P3H2: variants seen among roughly 807,000 people sequenced by gnomAD.
The protein encoded by P3H2 is leprecan-like 1.
In P3H2, 80 loss-of-function variants were observed where a neutral mutation model predicts 87.0. The ratio of observed to expected loss-of-function variants is 0.92; its 90% CI spans 0.77 to 1.11. The LOEUF is 1.11. Among genes scored for constraint, P3H2 ranks in the 50% least tolerant of loss-of-function variants. The pLI, the probability that P3H2 is intolerant of heterozygous loss-of-function variation, is 0.00. For missense variants in P3H2, 1,001 were observed against 923.9 expected (o/e 1.08, Z -1.08); for synonymous variants, 367 against 359.3 (o/e 1.02, Z -0.24).
At chr3:189,972,806 T>C in intron 11 of P3H2, 68 bp downstream of exon 11, 2 of 1,532,100 alleles carry the variant, frequency 1.3e-6, no homozygotes, top group Non-Finnish European at 1.8e-6. Context: ...TGTTGAGCTT[T>C]GTTTTGCCTT....
At chr3:190,117,592 C>A (rs1468826278) in intron 1 of P3H2, among the ~76,000 whole-genome samples, 1 of 151,862 alleles carries the variant, frequency 6.6e-6, no homozygotes, top group Non-Finnish European at 1.5e-5. Flanking sequence ...GGAATCAATG[C>A]CCTAGAATCC....
chr3:190,045,458 C>A (rs1725769769), intron 1 of P3H2, among the ~76,000 whole-genome samples: 1 of 152,094 alleles, frequency 6.6e-6, no homozygotes, highest in Non-Finnish European at 1.5e-5. Context: ...GCCTTTTATT[C>A]ATTTTTCCTT....
intron 14 of P3H2, among the ~76,000 whole-genome samples, chr3:189,959,440 A>G (rs558641240): frequency 2.1e-4 from 25 of 117,996 alleles, no homozygotes; most frequent in South Asian, 8.9e-4. Flanking sequence ...AGAGTGTGAT[A>G]TTCCCCTTCC....
chr3:190,100,261 C>CCAAA (rs1491211454), intron 1 of P3H2, among the ~76,000 whole-genome samples: 2 of 130,926 alleles, frequency 1.5e-5, no homozygotes, highest in African/African-American at 3.2e-5. Flanking sequence ...CCCCCCCCCC[C>CCAAA]AAAAAAAACA....
intron 1 of P3H2, among the ~76,000 whole-genome samples, chr3:190,038,119 A>G (rs1056390496): frequency 4.6e-5 from 7 of 152,010 alleles, no homozygotes; most frequent in Non-Finnish European, 2.9e-5. Context: ...ATTTCCATTC[A>G]TACTGTTTCA....
At chr3:189,999,051 C>T (rs1293029009) in intron 1 of P3H2, among the ~76,000 whole-genome samples, 2 of 152,180 alleles carry the variant, frequency 1.3e-5, no homozygotes, top group African/African-American at 4.8e-5. Flanking sequence ...TGATCCATGG[C>T]CCAGGGGTTG....
rs551133272 is a variant in P3H2, at chr3:190,003,718, T to C, written c.481-8276A>G. Among the ~76,000 whole-genome samples, 10 of 152,278 alleles carry C rather than the reference T, an allele frequency of 6.6e-5. No homozygotes were observed. In the South Asian group the frequency reaches 2.1e-3, roughly 32 times the overall value. On this transcript the variant is annotated intron_variant, in intron 1 of 14. Transcript: ENST00000319332. ...AATGAAGTTAGTGTGCATGGTCTAT[T>C]GGTATGTTACTGTTGTTTTTGGTTC...
intron 1 of P3H2, among the ~76,000 whole-genome samples, chr3:190,000,263 C>T (rs768315479): frequency 7.2e-5 from 11 of 152,206 alleles, no homozygotes; most frequent in Non-Finnish European, 1.5e-4. Flanking sequence ...TACCACCCGC[C>T]TATTCAAGAA....
Position 189,957,441 on chromosome 3 carries a change from TTGTGTGTGTG to T in P3H2, c.*461_*470del, listed in dbSNP as rs3062107. On this transcript the variant is annotated 3_prime_UTR_variant, in exon 15 of 15. Coordinates refer to ENST00000319332, the MANE Select transcript of P3H2 (RefSeq NM_018192.4). The stretch of plus-strand genomic sequence containing the variant: ...AGCTTTTGAATTTGCAGCAACTTAA[TTGTGTGTGTG>T]TGTGTGTGTGTGTGTGTGTGTGTGT... 0.022 allele frequency: 5,677 copies of T among 256,734 alleles called. 77 individuals are homozygous for T. Among genetic ancestry groups the T allele is most frequent in the African/African-American group, 0.06 (2,556 of 42,534 alleles). The allele number at this position is 256,734 out of a possible 1,614,324, so 15.9% of individuals were successfully genotyped here.
chr3:190,030,546 A>G (rs1268444439), intron 1 of P3H2, among the ~76,000 whole-genome samples: 1 of 152,196 alleles, frequency 6.6e-6, no homozygotes, highest in Non-Finnish European at 1.5e-5. Context: ...AGAGAGTGAG[A>G]CCCTGTCTCA....
intron 1 of P3H2, among the ~76,000 whole-genome samples, chr3:190,114,341 G>A (rs1347580759): frequency 4.6e-5 from 7 of 150,838 alleles, no homozygotes; most frequent in Non-Finnish European, 8.9e-5. Context: ...CTGCCACCAC[G>A]CCCGCCTAAT....
intron 1 of P3H2, among the ~76,000 whole-genome samples, chr3:190,015,361 T>G (rs546012996): frequency 6.6e-6 from 1 of 152,342 alleles, no homozygotes; most frequent in Admixed American, 6.5e-5. Flanking sequence ...TATAATCTGC[T>G]TAATCCACTT....
chr3:190,067,414 C>A (rs1726547556), intron 1 of P3H2, among the ~76,000 whole-genome samples: 1 of 152,080 alleles, frequency 6.6e-6, no homozygotes, highest in Non-Finnish European at 1.5e-5. Context: ...GACCTCCATA[C>A]CCCTTTTACT....
At chr3:190,109,568 C>G (rs1254022997) in intron 1 of P3H2, among the ~76,000 whole-genome samples, 1 of 152,198 alleles carries the variant, frequency 6.6e-6, no homozygotes, top group Non-Finnish European at 1.5e-5. Flanking sequence ...TTAAAGCAAG[C>G]TGTCTCATCA....
chr3:190,055,529 T>C (rs1210886656), intron 1 of P3H2, among the ~76,000 whole-genome samples: 1 of 123,770 alleles, frequency 8.1e-6, no homozygotes, highest in Non-Finnish European at 1.7e-5. Flanking sequence ...GAGTGCTTTT[T>C]TTTTTTTTCT....
intron 1 of P3H2, among the ~76,000 whole-genome samples, chr3:190,030,657 AAAGG>A (rs1211224202): frequency 2.0e-5 from 3 of 152,320 alleles, no homozygotes; most frequent in African/African-American, 2.4e-5. Flanking sequence ...GAAAAGGCAA[AAAGG>A]AAGAGGTAAA....
chr3:190,082,422 T>C (rs1727073794), intron 1 of P3H2, among the ~76,000 whole-genome samples: 1 of 152,170 alleles, frequency 6.6e-6, no homozygotes, highest in African/African-American at 2.4e-5. Flanking sequence ...CACCCAAAGA[T>C]TCTTGTTTTA....
rs750976066 is a variant in P3H2, at chr3:189,970,795, T to C, written c.1893+21A>G. 7.7e-6 allele frequency: 11 copies of C among 1,427,754 alleles called. No individual in the cohort carries two copies. The Admixed American group carries it at 1.5e-4, about 20-fold the overall frequency. The allele number at this position is 1,427,754 out of a possible 1,614,324, so 88.4% of individuals were successfully genotyped here. On this transcript the variant is annotated intron_variant, in intron 13 of 14. Coordinates refer to ENST00000319332, the MANE Select transcript of P3H2 (RefSeq NM_018192.4). ...TGAGCTAAAACATACTAAATAAGTA[T>C]TCAAGAATAGGTTTACTTACAGTCA...
intron 1 of P3H2, among the ~76,000 whole-genome samples, chr3:190,007,525 G>A (rs1057446320): frequency 3.9e-5 from 6 of 151,962 alleles, no homozygotes; most frequent in Non-Finnish European, 8.8e-5. Context: ...ACCAAATATC[G>A]AGCAAAGTCT....
Sources: allele counts gnomAD v4.1 joint callset (sites outside exome capture counted in the v4.1 genomes callset), GRCh38; gene constraint gnomAD v4.1.1; transcripts MANE v1.5; gene names NCBI Gene and HGNC (gene_info 2026-07-23, HGNC 2026-07-21).